The following TDRD3 variants were observed in gnomAD, a reference collection of about 807,000 sequenced individuals.
TDRD3 encodes tudor domain-containing protein 3.
TDRD3 carries 45 observed loss-of-function variants against 86.7 expected under a neutral mutation model. The observed-to-expected ratio is 0.52, with a 90% CI of 0.41 to 0.67. The LOEUF (loss-of-function observed/expected upper bound fraction) is 0.67, where lower values mean the gene tolerates loss of function less well. Ranked by LOEUF, TDRD3 falls within the 30% of genes least tolerant of loss-of-function variation. The pLI is 0.00. For synonymous variants in TDRD3, 298 were observed against 301.7 expected, an observed-to-expected ratio of 0.99 and a Z score of 0.13; for missense variants, 814 against 889.0, an observed-to-expected ratio of 0.92 and a Z score of 1.07.
intron 9 of TDRD3, 100 bp from the exon 10 acceptor site, chr13:60,510,530 T>A: frequency 8.4e-7 from 1 of 1,195,754 alleles, no homozygotes; most frequent in Admixed American, 3.7e-5. Flanking sequence ...TGAAAAGAAA[T>A]TAAAATCCTT....
chr13:60,407,101 A>G (rs1954253876), intron 1 of TDRD3, among the ~76,000 whole-genome samples: 1 of 152,178 alleles, frequency 6.6e-6, no homozygotes, highest in Admixed American at 6.5e-5. Context: ...TTTGGAATTG[A>G]CTCAGTTCAA....
chr13:60,497,463 C>T (rs781561745), intron 8 of TDRD3, among the ~76,000 whole-genome samples: 1 of 152,152 alleles, frequency 6.6e-6, no homozygotes, highest in Non-Finnish European at 1.5e-5. Context: ...GAACTAAGCT[C>T]CGTGTTTAAA....
At chr13:60,473,850 A>G (rs534549120) in intron 5 of TDRD3, among the ~76,000 whole-genome samples, 31 of 152,262 alleles carry the variant, frequency 2.0e-4, no homozygotes, top group Admixed American at 3.9e-4. Flanking sequence ...CCGATTACCT[A>G]GTGGACCTTG....
chr13:60,404,412 G>A (rs375729485), intron 1 of TDRD3, among the ~76,000 whole-genome samples: 1 of 148,310 alleles, frequency 6.7e-6, no homozygotes, highest in Admixed American at 6.7e-5. Context: ...CCGGGTTCAC[G>A]CCATTCTCCT....
At position 60,476,003 on chromosome 13, in the gene TDRD3, G is replaced by C. The variant is rs529778406; in HGVS notation, c.496-7772G>C. Among the ~76,000 whole-genome samples the C allele has an allele frequency of 2.1e-4, 32 of 152,210 alleles. 1 individual carries two copies. The South Asian group carries it at 6.6e-3, about 32-fold the overall frequency. On this transcript the variant is annotated intron_variant, in intron 5 of 13. Transcript: ENST00000377881. Reference sequence around the variant, plus strand: ...ATTCTGTAGGTTTTCTGTGTACCCTGTTTATAGTTTCCTTTGCTGTGCAGA... The same window carrying C: ...ATTCTGTAGGTTTTCTGTGTACCCTCTTTATAGTTTCCTTTGCTGTGCAGA...
intron 6 of TDRD3, among the ~76,000 whole-genome samples, chr13:60,484,453 G>A (rs1464452280): frequency 6.6e-6 from 1 of 152,102 alleles, no homozygotes; most frequent in African/African-American, 2.4e-5. Context: ...TTATTCAAGA[G>A]TGCTGGGCTA....
At chr13:60,462,090 AC>A (rs1281786540) in intron 4 of TDRD3, among the ~76,000 whole-genome samples, 15 of 152,190 alleles carry the variant, frequency 9.9e-5, no homozygotes, top group Non-Finnish European at 2.9e-5. Flanking sequence ...ATTTCTATAT[AC>A]AAAGGGAGAT....
intron 5 of TDRD3, among the ~76,000 whole-genome samples, chr13:60,480,746 T>A (rs1956292196): frequency 6.6e-6 from 1 of 151,786 alleles, no homozygotes; most frequent in South Asian, 2.1e-4. Context: ...GGGTGTGGGG[T>A]GCTGCAAGTG....
chr13:60,561,189 A>G (rs908902429), intron 12 of TDRD3, among the ~76,000 whole-genome samples: 10 of 152,114 alleles, frequency 6.6e-5, no homozygotes, highest in African/African-American at 2.2e-4. Context: ...GTTTTTTTCA[A>G]TTTAGGTATA....
At chr13:60,441,777 TTCCTTTATCTGA>T (rs1246530949) in intron 2 of TDRD3, among the ~76,000 whole-genome samples, 7 of 152,292 alleles carry the variant, frequency 4.6e-5, no homozygotes, top group Admixed American at 4.6e-4. Flanking sequence ...ACTGAGCTTG[TTCCTTTATCTGA>T]CAATGAACAC....
chr13:60,435,870 A>G (rs1257365255), intron 1 of TDRD3, among the ~76,000 whole-genome samples: 3 of 148,768 alleles, frequency 2.0e-5, no homozygotes, highest in Non-Finnish European at 4.4e-5. Flanking sequence ...GGTTGTAGCA[A>G]TTTACATTTC....
At chr13:60,552,490 A>G (rs563200068) in intron 12 of TDRD3, among the ~76,000 whole-genome samples, 3 of 152,196 alleles carry the variant, frequency 2.0e-5, no homozygotes, top group Non-Finnish European at 4.4e-5. Context: ...TCTGGTGTTG[A>G]GTGCCTGTGG....
chr13:60,426,033 G>A lies in TDRD3; in HGVS notation c.42-13655G>A, dbSNP rs75677349. Among the ~76,000 whole-genome samples, 1,109 of 152,216 alleles carry A rather than the reference G, an allele frequency of 7.3e-3. 21 individuals are homozygous for A. Among genetic ancestry groups the A allele is most frequent in the African/African-American group, 0.025 (1,038 of 41,524 alleles). Reference sequence around the variant, plus strand: ...TCAGATTTTCAACTGTGCAGGGGTTGGTGCTGCTAACACCCGAGTTCAAGG... The same window carrying A: ...TCAGATTTTCAACTGTGCAGGGGTTAGTGCTGCTAACACCCGAGTTCAAGG... On this transcript the variant is annotated intron_variant, in intron 1 of 13. Transcript: ENST00000377881.
Position 60,567,727 on chromosome 13 carries a change from ATT to A in TDRD3, c.*9+85_*9+86del, listed in dbSNP as rs908583710. The stretch of plus-strand genomic sequence containing the variant: ...GTTAAGCATATAAGTCCAATTAGTG[ATT>A]TTTTTTTCTCTGAGACGAAGTTTCA... On this transcript the variant is annotated intron_variant, in intron 13 of 13. Coordinates refer to ENST00000377881, the MANE Select transcript of TDRD3 (RefSeq NM_001146070.2). The A allele has an allele frequency of 1.9e-6, 3 of 1,545,350 alleles. No individual in the cohort carries two copies. In the East Asian group the frequency reaches 6.9e-5, roughly 36 times the overall value.
At chr13:60,395,654 T>G (rs576554893), upstream of TDRD3, among the ~76,000 whole-genome samples, 115 of 152,334 alleles carry the variant, frequency 7.5e-4, no homozygotes, top group African/African-American at 2.6e-3. Context: ...CATATTTTCA[T>G]AGTTAACAGG....
chr13:60,558,101 G>A (rs146943332), intron 12 of TDRD3, among the ~76,000 whole-genome samples: 2,164 of 152,212 alleles, frequency 0.014, 61 homozygotes, highest in African/African-American at 0.048. Context: ...GATTACTGGC[G>A]TGAGCCACTG....
intron 5 of TDRD3, among the ~76,000 whole-genome samples, chr13:60,474,621 G>A (rs1277130319): frequency 6.7e-6 from 1 of 150,256 alleles, no homozygotes; most frequent in African/African-American, 2.5e-5. Flanking sequence ...ACAATTATAT[G>A]CTTTCATGTA....
chr13:60,398,537 T>G (rs929432456), intron 1 of TDRD3, among the ~76,000 whole-genome samples: 1 of 152,210 alleles, frequency 6.6e-6, no homozygotes, highest in African/African-American at 2.4e-5. Flanking sequence ...TGAATAAAGT[T>G]TTTGATCAGT....
intron 1 of TDRD3, among the ~76,000 whole-genome samples, chr13:60,428,142 T>G (rs973325367): frequency 2.0e-5 from 3 of 151,790 alleles, no homozygotes; most frequent in Admixed American, 6.6e-5. Flanking sequence ...TTTCTGTGTG[T>G]CACTTTACTC....
Sources: allele counts gnomAD v4.1 joint callset (sites outside exome capture counted in the v4.1 genomes callset), GRCh38; gene constraint gnomAD v4.1.1; transcripts MANE v1.5; gene names NCBI Gene and HGNC (gene_info 2026-07-23, HGNC 2026-07-21).